The following DIP2C variants were observed in gnomAD, a reference collection of about 807,000 sequenced individuals.
DIP2C encodes DIP2 acetate--CoA ligase C (putative).
Under a neutral mutation model 192.4 loss-of-function variants are expected in DIP2C, and 33 were observed. That is an observed-to-expected ratio of 0.17 (90% CI 0.13 to 0.23). DIP2C has a LOEUF of 0.23. Ranked by LOEUF, DIP2C falls within the 10% of genes least tolerant of loss-of-function variation. The probability of loss-of-function intolerance (pLI) is 1.00; values close to 1 mark genes in which losing one functional copy is unlikely to be tolerated. For synonymous variants in DIP2C, 979 were observed against 864.1 expected (o/e 1.13, Z -2.33); for missense variants, 1,537 against 2,110.1 (o/e 0.73, Z 5.32).
intron 8 of DIP2C, 72 bp from the exon 9 acceptor site, chr10:409,089 C>G (rs1965009661): frequency 1.3e-6 from 2 of 1,514,728 alleles, no homozygotes; most frequent in Non-Finnish European, 9.1e-7. Flanking sequence ...AAGTCAAAGT[C>G]TAGGACATGA....
Position 651,277 on chromosome 10 carries a change from C to G in DIP2C, c.85+38217G>C, listed in dbSNP as rs777805339. The G allele has an allele frequency of 4.2e-6, 3 of 712,928 alleles. No individual in the cohort carries two copies. Among genetic ancestry groups the G allele is most frequent in the Non-Finnish European group, 7.8e-6 (3 of 385,102 alleles). 44.2% of individuals were successfully genotyped at this position (712,928 alleles called of 1,614,324 possible). On this transcript the variant is annotated intron_variant, in intron 1 of 36. Transcript: ENST00000280886. The surrounding 1 kb of genome is among the most constrained non-coding windows in gnomAD (Gnocchi z 4.1). ...TCCGGTCACCAGTCGGCCTCCCCCA[C>G]CAACGTGGACTCCTTACAAGCAGAG...
chr10:573,600 G>C (rs368417732), intron 1 of DIP2C, among the ~76,000 whole-genome samples: 9 of 152,178 alleles, frequency 5.9e-5, no homozygotes, highest in African/African-American at 1.9e-4. Context: ...AGTAGAGATG[G>C]GGTTTCACCA....
Position 515,462 on chromosome 10 carries a change from C to T in DIP2C, c.86-28932G>A, listed in dbSNP as rs185480762. Among the ~76,000 whole-genome samples, 1,368 of 152,292 alleles carry T rather than the reference C, an allele frequency of 9.0e-3. 13 individuals carry two copies. Among genetic ancestry groups the T allele is most frequent in the Admixed American group, 0.013 (203 of 15,306 alleles). Reference sequence around the variant, plus strand: ...ATCGGGCCGGGTGCAGTGGCTCACACCTTTAATCCCAGCACTTTGGGAGGC... The same window carrying T: ...ATCGGGCCGGGTGCAGTGGCTCACATCTTTAATCCCAGCACTTTGGGAGGC... On this transcript the variant is annotated intron_variant, in intron 1 of 36. Transcript: ENST00000280886.
At chr10:425,952 A>T (rs902405297) in intron 4 of DIP2C, among the ~76,000 whole-genome samples, 16 of 152,214 alleles carry the variant, frequency 1.1e-4, no homozygotes, top group Admixed American at 9.2e-4. Context: ...TAAGATGGAG[A>T]ACAAGACAAA....
At chr10:616,662 G>A (rs570356802) in intron 1 of DIP2C, among the ~76,000 whole-genome samples, 93 of 152,312 alleles carry the variant, frequency 6.1e-4, no homozygotes, top group African/African-American at 2.1e-3. Flanking sequence ...GCAGAGTGCG[G>A]GAAGGACCAC....
intron 1 of DIP2C, among the ~76,000 whole-genome samples, chr10:594,016 T>C (rs951589754): frequency 6.6e-6 from 1 of 152,156 alleles, no homozygotes; most frequent in Non-Finnish European, 1.5e-5. Context: ...TGCCAACCAA[T>C]TCAGGGTGTG....
intron 1 of DIP2C, among the ~76,000 whole-genome samples, chr10:520,931 A>G (rs2130815472): frequency 6.6e-6 from 1 of 152,348 alleles, no homozygotes; most frequent in East Asian, 1.9e-4. Context: ...CAGTTTAATT[A>G]CATTTGACGT....
At chr10:646,096 C>A (rs1266785288) in intron 1 of DIP2C, among the ~76,000 whole-genome samples, 1 of 152,180 alleles carries the variant, frequency 6.6e-6, no homozygotes, top group Non-Finnish European at 1.5e-5. Context: ...AGGTGAGGGG[C>A]CTCCAGGAAA....
intron 1 of DIP2C, among the ~76,000 whole-genome samples, chr10:531,044 C>T (rs949226683): frequency 2.0e-5 from 3 of 151,774 alleles, no homozygotes; most frequent in African/African-American, 7.3e-5. Context: ...AGCTGCAGAC[C>T]CTGAGCCAGT....
intron 6 of DIP2C, among the ~76,000 whole-genome samples, chr10:416,559 G>A (rs933924435): frequency 6.6e-6 from 1 of 152,120 alleles, no homozygotes; most frequent in East Asian, 1.9e-4. Flanking sequence ...TCAAATTTTT[G>A]TGTAACAGAA....
At chr10:319,963 G>T (rs542575353) in intron 31 of DIP2C, among the ~76,000 whole-genome samples, 3 of 152,314 alleles carry the variant, frequency 2.0e-5, no homozygotes, top group African/African-American at 7.2e-5. Context: ...AATGACTAAA[G>T]AATGTATTTT....
At chr10:510,291 C>T (rs922728579) in intron 1 of DIP2C, among the ~76,000 whole-genome samples, 3 of 152,224 alleles carry the variant, frequency 2.0e-5, no homozygotes, top group African/African-American at 4.8e-5. Flanking sequence ...AACCAGACTT[C>T]AACACACCTT....
At chr10:419,740 AG>A (rs1966051562) in intron 5 of DIP2C, among the ~76,000 whole-genome samples, 2 of 152,192 alleles carry the variant, frequency 1.3e-5, no homozygotes, top group South Asian at 4.1e-4. Flanking sequence ...TCTTCATAAA[AG>A]GGGGAGACAT....
At chr10:538,564 T>A (rs1847820769) in intron 1 of DIP2C, among the ~76,000 whole-genome samples, 1 of 152,148 alleles carries the variant, frequency 6.6e-6, no homozygotes. Flanking sequence ...GGTCTCAACG[T>A]GGAAATGATG....
At chr10:554,099 T>A (rs1196927547) in intron 1 of DIP2C, among the ~76,000 whole-genome samples, 2 of 151,770 alleles carry the variant, frequency 1.3e-5, no homozygotes, top group East Asian at 3.9e-4. Flanking sequence ...AGCTTGTAAC[T>A]AACAGTGGCG....
chr10:408,916 T>C lies in DIP2C; in HGVS notation c.1149+10A>G. On this transcript the variant is annotated intron_variant, in intron 9 of 36. Transcript: ENST00000280886. Reference sequence around the variant, plus strand: ...TGTTTTGTAGATCCAGCAGTTTAAGTTGCACTTACCCTATCTCCAGGCCGG... The same window carrying C: ...TGTTTTGTAGATCCAGCAGTTTAAGCTGCACTTACCCTATCTCCAGGCCGG... 1.2e-6 allele frequency: 2 copies of C among 1,613,754 alleles called. No individual in the cohort carries two copies. The highest frequency in any genetic ancestry group is 1.7e-6 in the Non-Finnish European group (2 of 1,179,808).
chr10:579,898 ACAAT>A (rs899092870), intron 1 of DIP2C, among the ~76,000 whole-genome samples: 2 of 141,728 alleles, frequency 1.4e-5, no homozygotes, highest in Admixed American at 6.9e-5. Flanking sequence ...CATCTAGCAC[ACAAT>A]CTATATGCAT....
intron 1 of DIP2C, among the ~76,000 whole-genome samples, chr10:675,772 G>A (rs11253318): frequency 0.018 from 2,810 of 152,196 alleles, 88 homozygotes; most frequent in African/African-American, 0.064. Context: ...GTATGACTAA[G>A]TAATAATAAA....
At chr10:407,027 A>G (rs1219771605) in intron 9 of DIP2C, among the ~76,000 whole-genome samples, 1 of 152,096 alleles carries the variant, frequency 6.6e-6, no homozygotes, top group Middle Eastern at 3.2e-3. Context: ...TCACCCGCCA[A>G]GTTATCCTTA....
Sources: gnomAD v4.1 joint callset for allele counts (sites outside exome capture counted in the v4.1 genomes callset) on GRCh38, gnomAD v4.1.1 for gene constraint, Gnocchi (gnomAD v3.1) non-coding constraint, MANE v1.5 for transcripts, NCBI Gene and HGNC (gene_info 2026-07-23, HGNC 2026-07-21) for gene names.